Variants in CRADD observed in about 807,000 individuals in gnomAD.
CRADD encodes CARD and death domain containing adaptor protein.
CRADD carries 9 observed loss-of-function variants against 15.5 expected under a neutral mutation model. That is an observed-to-expected ratio of 0.58 (90% CI 0.35 to 1.01). The LOEUF (loss-of-function observed/expected upper bound fraction) is 1.01, where lower values mean the gene tolerates loss of function less well. Ranked by LOEUF, CRADD falls within the 50% of genes least tolerant of loss-of-function variation. The pLI is 0.02. For synonymous variants in CRADD, 118 were observed against 107.6 expected, an observed-to-expected ratio of 1.10 and a Z score of -0.60; for missense variants, 227 against 250.3, an observed-to-expected ratio of 0.91 and a Z score of 0.63.
chr12:93,860,087 T>A (rs1958307664), intron 2 of CRADD, among the ~76,000 whole-genome samples: 1 of 151,848 alleles, frequency 6.6e-6, no homozygotes, highest in South Asian at 2.1e-4. Context: ...TTGGAGGAAG[T>A]TTAACAGTGT....
At chr12:93,862,994 G>A (rs1190711068) in intron 2 of CRADD, among the ~76,000 whole-genome samples, 1 of 152,202 alleles carries the variant, frequency 6.6e-6, no homozygotes, top group Non-Finnish European at 1.5e-5. Context: ...TTTACTGTTA[G>A]CAGCATATTA....
At chr12:93,688,494 CAAAAA>C (rs143174603) in intron 2 of CRADD, among the ~76,000 whole-genome samples, 1 of 80,588 alleles carries the variant, frequency 1.2e-5, no homozygotes, top group Non-Finnish European at 2.5e-5. Flanking sequence ...GACCCTGTCT[CAAAAA>C]AAAAAAAAAA....
chr12:93,709,877 A>C (rs1041101443), intron 2 of CRADD, among the ~76,000 whole-genome samples: 1 of 152,212 alleles, frequency 6.6e-6, no homozygotes, highest in Admixed American at 6.5e-5. Flanking sequence ...TAGCTGGTTC[A>C]TGACTGGTGG....
At chr12:93,703,208 G>A (rs755999277) in intron 2 of CRADD, among the ~76,000 whole-genome samples, 1 of 151,656 alleles carries the variant, frequency 6.6e-6, no homozygotes, top group African/African-American at 2.4e-5. Context: ...GCCATTAGGT[G>A]TTGATTTTTT....
chr12:93,725,206 C>T (rs1245960327), intron 2 of CRADD, among the ~76,000 whole-genome samples: 1 of 152,184 alleles, frequency 6.6e-6, no homozygotes, highest in Non-Finnish European at 1.5e-5. Flanking sequence ...TTATCTTTCA[C>T]TCACAATATT....
chr12:93,796,227 A>G (rs1346362696), intron 2 of CRADD, among the ~76,000 whole-genome samples: 1 of 152,164 alleles, frequency 6.6e-6, no homozygotes, highest in Non-Finnish European at 1.5e-5. Context: ...GCCATAGCCA[A>G]CAGTTTTGTA....
At position 93,816,480 on chromosome 12, in the gene CRADD, G is replaced by T. The variant is rs1415250590; in HGVS notation, c.299-33490G>T. On this transcript the variant is annotated intron_variant, in intron 2 of 2. Coordinates refer to ENST00000332896, the MANE Select transcript of CRADD (RefSeq NM_003805.5). ...GACCTCAAGTCATCTGCCTGCCTCAGCCTCCCAAAGTGCTGGAATTACAGG... is the reference window on the plus strand; with the variant it reads ...GACCTCAAGTCATCTGCCTGCCTCATCCTCCCAAAGTGCTGGAATTACAGG... 8.0e-5 allele frequency among the ~76,000 whole-genome samples: 12 copies of T among 149,992 alleles called. 1 individual carries two copies. In the Admixed American group the frequency reaches 8.1e-4, roughly 10 times the overall value.
At chr12:93,854,747 A>G (rs1593047088), downstream of CRADD, among the ~76,000 whole-genome samples, 1 of 151,962 alleles carries the variant, frequency 6.6e-6, no homozygotes, top group South Asian at 2.1e-4. Context: ...CCTGCTCACT[A>G]CCTGCTCAGC....
chr12:93,748,667 G>A (rs1193836096), intron 2 of CRADD, among the ~76,000 whole-genome samples: 1 of 146,088 alleles, frequency 6.8e-6, no homozygotes, highest in African/African-American at 2.5e-5. Context: ...ATCTGCAAAA[G>A]CATGAAAGCC....
intron 2 of CRADD, among the ~76,000 whole-genome samples, chr12:93,877,378 A>C (rs1047858613): frequency 6.6e-6 from 1 of 152,144 alleles, no homozygotes; most frequent in African/African-American, 2.4e-5. Flanking sequence ...CGATCACTTG[A>C]TGCCAAAACC....
intron 2 of CRADD, among the ~76,000 whole-genome samples, chr12:93,822,537 G>C (rs1221977481): frequency 6.6e-6 from 1 of 152,142 alleles, no homozygotes; most frequent in Non-Finnish European, 1.5e-5. Flanking sequence ...TGGTGATCCT[G>C]GGCTCCTTCT....
chr12:93,772,299 A>G (rs1957092793), intron 2 of CRADD, among the ~76,000 whole-genome samples: 1 of 152,332 alleles, frequency 6.6e-6, no homozygotes, highest in African/African-American at 2.4e-5. Flanking sequence ...TGAGGGCACT[A>G]CATTAAAAGA....
chr12:93,770,134 G>T (rs10859573), intron 2 of CRADD, among the ~76,000 whole-genome samples: 1 of 133,094 alleles, frequency 7.5e-6, no homozygotes, highest in South Asian at 2.6e-4. Context: ...CTCGCTCTGT[G>T]GCCCAGGTGG....
chr12:93,753,371 G>T (rs777013991), intron 2 of CRADD, among the ~76,000 whole-genome samples: 2 of 152,108 alleles, frequency 1.3e-5, no homozygotes, highest in Non-Finnish European at 2.9e-5. Flanking sequence ...TTCCACCCCT[G>T]GCCCCTCCAA....
intron 2 of CRADD, among the ~76,000 whole-genome samples, chr12:93,774,689 A>G (rs551327280): frequency 1.3e-5 from 2 of 152,244 alleles, no homozygotes; most frequent in African/African-American, 4.8e-5. Context: ...CTTCTCAGTA[A>G]TTTGTACTGA....
chr12:93,695,023 A>C (rs1447397673), intron 2 of CRADD, among the ~76,000 whole-genome samples: 1 of 152,252 alleles, frequency 6.6e-6, no homozygotes, highest in Non-Finnish European at 1.5e-5. Flanking sequence ...TGAGCAAAGA[A>C]GAACAGAACT....
chr12:93,739,848 C>T (rs374351562), intron 2 of CRADD, among the ~76,000 whole-genome samples: 1 of 152,080 alleles, frequency 6.6e-6, no homozygotes, highest in Non-Finnish European at 1.5e-5. Flanking sequence ...TTGTGGAGCC[C>T]ATTAATCACA....
downstream of CRADD, among the ~76,000 whole-genome samples, chr12:93,854,765 G>A (rs574913833): frequency 4.1e-4 from 62 of 152,170 alleles, 1 homozygote; most frequent in African/African-American, 1.3e-3. Context: ...AGCCACATAC[G>A]TTTATGGCCT....
At chr12:93,866,357 A>G (rs1231476289) in intron 2 of CRADD, among the ~76,000 whole-genome samples, 1 of 151,960 alleles carries the variant, frequency 6.6e-6, no homozygotes, top group Non-Finnish European at 1.5e-5. Context: ...GTTTAATCAA[A>G]TTTCACTTCC....
Sources: gnomAD v4.1 joint callset for allele counts (sites outside exome capture counted in the v4.1 genomes callset) on GRCh38, gnomAD v4.1.1 for gene constraint, MANE v1.5 for transcripts, NCBI Gene and HGNC (gene_info 2026-07-23, HGNC 2026-07-21) for gene names.